Variants in MDGA2 observed in about 807,000 individuals in gnomAD.
The protein encoded by MDGA2 is MAM domain-containing glycosylphosphatidylinositol anchor protein 2.
Under a neutral mutation model 117.8 loss-of-function variants are expected in MDGA2, and 40 were observed. That is an observed-to-expected ratio of 0.34 (90% confidence interval 0.26 to 0.44). The LOEUF (loss-of-function observed/expected upper bound fraction) is 0.44, where lower values mean the gene tolerates loss of function less well. MDGA2 is among the 20% of genes least tolerant of loss of function. MDGA2 has a pLI of 1.00. For missense variants in MDGA2, 1,123 were observed against 1,250.6 expected (o/e 0.90, Z 1.54); for synonymous variants, 452 against 439.0 (o/e 1.03, Z -0.37).
chr14:47,107,103 C>T (rs1373185949), intron 5 of MDGA2, among the ~76,000 whole-genome samples: 1 of 145,550 alleles, frequency 6.9e-6, no homozygotes, highest in Non-Finnish European at 1.5e-5. Flanking sequence ...CTACTCCCTC[C>T]TTGGCGACCG....
intron 1 of MDGA2, among the ~76,000 whole-genome samples, chr14:47,442,833 C>T (rs1446801042): frequency 6.6e-6 from 1 of 152,078 alleles, no homozygotes; most frequent in Non-Finnish European, 1.5e-5. Context: ...GAAATAACTC[C>T]TAACTTCTAA....
intron 7 of MDGA2, among the ~76,000 whole-genome samples, chr14:47,036,963 T>C (rs975933105): frequency 2.6e-5 from 4 of 152,244 alleles, no homozygotes; most frequent in Non-Finnish European, 5.9e-5. Context: ...CATTTTGAAG[T>C]AGATATATAC....
At chr14:47,354,024 C>T (rs1451767309) in intron 1 of MDGA2, among the ~76,000 whole-genome samples, 1 of 152,134 alleles carries the variant, frequency 6.6e-6, no homozygotes, top group Non-Finnish European at 1.5e-5. Flanking sequence ...AACTGTGATT[C>T]ACTACATTAA....
At chr14:47,394,754 CA>C (rs1183234747) in intron 1 of MDGA2, among the ~76,000 whole-genome samples, 2 of 152,010 alleles carry the variant, frequency 1.3e-5, no homozygotes, top group Non-Finnish European at 2.9e-5. Flanking sequence ...CAAATTAAAA[CA>C]AAAATATATT....
At chr14:47,506,426 G>A (rs995370014) in intron 1 of MDGA2, among the ~76,000 whole-genome samples, 7 of 152,160 alleles carry the variant, frequency 4.6e-5, no homozygotes, top group African/African-American at 1.2e-4. Flanking sequence ...TGCAAGTGTC[G>A]TGTGCAAATT....
chr14:47,223,129 C>T (rs141558035), intron 2 of MDGA2, among the ~76,000 whole-genome samples: 315 of 152,264 alleles, frequency 2.1e-3, no homozygotes, highest in African/African-American at 7.1e-3. Context: ...GACTTATTCA[C>T]TACCACAAGA....
chr14:47,450,684 A>AATATATAATATTATAT (rs1419203626), intron 1 of MDGA2, among the ~76,000 whole-genome samples: 14 of 152,126 alleles, frequency 9.2e-5, no homozygotes, highest in Non-Finnish European at 1.9e-4. Flanking sequence ...AGTTACATAT[A>AATATATAATATTATAT]GCCTTTATAA....
intron 1 of MDGA2, among the ~76,000 whole-genome samples, chr14:47,550,654 C>G (rs1895564213): frequency 6.6e-6 from 1 of 151,136 alleles, no homozygotes; most frequent in South Asian, 2.1e-4. Flanking sequence ...TTTAAATTCA[C>G]TATCCTGAAA....
At chr14:47,243,496 A>C (rs191449983) in intron 2 of MDGA2, among the ~76,000 whole-genome samples, 274 of 151,750 alleles carry the variant, frequency 1.8e-3, no homozygotes, top group African/African-American at 6.2e-3. Context: ...TGCTTTTATG[A>C]GCTGTAACAC....
intron 3 of MDGA2, among the ~76,000 whole-genome samples, chr14:47,205,099 C>T (rs913702857): frequency 3.3e-5 from 5 of 151,556 alleles, no homozygotes; most frequent in African/African-American, 7.3e-5. Context: ...TCTGTCTGTA[C>T]GTGTATATGT....
At chr14:47,562,228 T>C (rs1895830564) in intron 1 of MDGA2, among the ~76,000 whole-genome samples, 1 of 152,212 alleles carries the variant, frequency 6.6e-6, no homozygotes, top group African/African-American at 2.4e-5. Flanking sequence ...GGTATCAGCA[T>C]GGTGCTGGCC....
chr14:47,294,246 T>A (rs530285863), intron 2 of MDGA2, among the ~76,000 whole-genome samples: 1 of 151,584 alleles, frequency 6.6e-6, no homozygotes, highest in South Asian at 2.1e-4. Flanking sequence ...CAGGCAAATG[T>A]CACCACACCT....
At chr14:46,895,299 C>G (rs1419068503) in intron 10 of MDGA2, among the ~76,000 whole-genome samples, 2 of 152,142 alleles carry the variant, frequency 1.3e-5, no homozygotes, top group Non-Finnish European at 2.9e-5. Context: ...GCTTTTACCC[C>G]TTTGCTAGGC....
chr14:47,188,282 C>T (rs1195137222), intron 3 of MDGA2, among the ~76,000 whole-genome samples: 2 of 152,160 alleles, frequency 1.3e-5, no homozygotes, highest in African/African-American at 2.4e-5. Context: ...CACCTCAAAA[C>T]GTATGTTACA....
At chr14:46,982,708 A>T (rs1193600270) in intron 8 of MDGA2, among the ~76,000 whole-genome samples, 24 of 26,980 alleles carry the variant, frequency 8.9e-4, no homozygotes, top group African/African-American at 5.8e-3. Context: ...ACTCCATCAA[A>T]AAAAAAAAAA....
intron 8 of MDGA2, among the ~76,000 whole-genome samples, chr14:46,998,115 A>G (rs1887365683): frequency 6.6e-6 from 1 of 152,120 alleles, no homozygotes; most frequent in Non-Finnish European, 1.5e-5. Flanking sequence ...GAAGAAGAAA[A>G]GGGAAATGAA....
chr14:46,995,056 C>G (rs1158218667), intron 8 of MDGA2, among the ~76,000 whole-genome samples: 1 of 151,998 alleles, frequency 6.6e-6, no homozygotes, highest in African/African-American at 2.4e-5. Flanking sequence ...AGAGTAAAAT[C>G]ATACATCTAA....
At chr14:46,999,470 T>A (rs899737646) in intron 8 of MDGA2, among the ~76,000 whole-genome samples, 3 of 152,018 alleles carry the variant, frequency 2.0e-5, no homozygotes, top group African/African-American at 7.2e-5. Flanking sequence ...AAGTGCAATA[T>A]CTCAAAAAGA....
chr14:46,908,853 C>T (rs761628424), intron 10 of MDGA2, among the ~76,000 whole-genome samples: 7 of 151,964 alleles, frequency 4.6e-5, no homozygotes, highest in Admixed American at 1.3e-4. Flanking sequence ...TCCTTCTTTC[C>T]CCAGATTGAA....
Sources: allele counts gnomAD v4.1 joint callset (sites outside exome capture counted in the v4.1 genomes callset), GRCh38; gene constraint gnomAD v4.1.1; transcripts MANE v1.5; gene names NCBI Gene and HGNC (gene_info 2026-07-23, HGNC 2026-07-21).